The following SLC35D2 variants were observed in gnomAD, a reference collection of about 807,000 sequenced individuals.
SLC35D2 encodes nucleotide sugar transporter SLC35D2.
In SLC35D2, 43 loss-of-function variants were observed where a neutral mutation model predicts 41.8. That is an observed-to-expected ratio of 1.03 (90% CI 0.81 to 1.33). The LOEUF (loss-of-function observed/expected upper bound fraction) is 1.33. SLC35D2 is among the 40% of genes most tolerant of loss of function. The pLI is 0.00. For missense variants in SLC35D2, 380 were observed against 408.4 expected, an observed-to-expected ratio of 0.93 and a Z score of 0.60; for synonymous variants, 150 against 163.9, an observed-to-expected ratio of 0.92 and a Z score of 0.65.
intron 8 of SLC35D2, among the ~76,000 whole-genome samples, chr9:96,343,205 C>T (rs1386488163): frequency 1.3e-5 from 2 of 152,220 alleles, no homozygotes; most frequent in Admixed American, 6.5e-5. Context: ...TCCTGAGAGA[C>T]TTGGCCTCCA....
At chr9:96,331,283 G>A (rs1828796013) in intron 9 of SLC35D2, among the ~76,000 whole-genome samples, 1 of 152,132 alleles carries the variant, frequency 6.6e-6, no homozygotes, top group Admixed American at 6.5e-5. Context: ...CAAGACAAAT[G>A]CGTGATTGCC....
chr9:96,370,216 C>A (rs529835419), intron 1 of SLC35D2, among the ~76,000 whole-genome samples: 1 of 152,346 alleles, frequency 6.6e-6, no homozygotes, highest in South Asian at 2.1e-4. Context: ...TTTGCTGTGA[C>A]TGCCTCAGAG....
intron 4 of SLC35D2, among the ~76,000 whole-genome samples, chr9:96,356,226 C>A (rs1220033281): frequency 6.6e-6 from 1 of 152,228 alleles, no homozygotes; most frequent in Non-Finnish European, 1.5e-5. Flanking sequence ...CAGATGCTGG[C>A]GCCATGCTTC....
chr9:96,344,732 G>A (rs913444597), intron 7 of SLC35D2, among the ~76,000 whole-genome samples: 5 of 150,120 alleles, frequency 3.3e-5, no homozygotes, highest in Admixed American at 1.3e-4. Context: ...GAGGGATGGG[G>A]GAGGGGGAGG....
chr9:96,359,137 T>C (rs1041827950), intron 4 of SLC35D2, among the ~76,000 whole-genome samples: 1 of 151,710 alleles, frequency 6.6e-6, no homozygotes, highest in African/African-American at 2.4e-5. Flanking sequence ...ACCCCGTCCC[T>C]ACTAAAAATA....
downstream of SLC35D2, among the ~76,000 whole-genome samples, chr9:96,319,996 G>A (rs1243663380): frequency 6.6e-6 from 1 of 152,228 alleles, no homozygotes; most frequent in Non-Finnish European, 1.5e-5. Flanking sequence ...AGATTAGTTA[G>A]TCTGGCTCCT....
intron 9 of SLC35D2, among the ~76,000 whole-genome samples, chr9:96,336,178 A>C (rs1447761495): frequency 6.6e-6 from 1 of 152,186 alleles, no homozygotes; most frequent in African/African-American, 2.4e-5. Context: ...CTATAGGAAA[A>C]GGCTGTCATA....
In SLC35D2 at chr9:96,321,352, A is replaced by G. The variant is rs542816078; in HGVS notation, c.915-11T>C. 1.3e-6 allele frequency: 2 copies of G among 1,593,850 alleles called. No homozygotes were observed. The highest frequency in any genetic ancestry group is 2.7e-5 in the African/African-American group (2 of 74,336). Reference sequence around the variant, plus strand: ...AAGCCCCCTGCCATGCTGAAAGGAGAAAAAAAAGTGAAAATAAATGACTGG... The same window carrying G: ...AAGCCCCCTGCCATGCTGAAAGGAGGAAAAAAAGTGAAAATAAATGACTGG... On this transcript the variant is annotated splice_polypyrimidine_tract_variant and intron_variant, in intron 11 of 11. Transcript: ENST00000253270.
At chr9:96,322,207 A>G (rs979304927) in intron 10 of SLC35D2, 127 bp from the exon 11 acceptor site, 9 of 624,068 alleles carry the variant, frequency 1.4e-5, no homozygotes, top group Non-Finnish European at 2.0e-5. Flanking sequence ...GGATATTCAC[A>G]GGTGGTTGAA....
chr9:96,369,009 C>T (rs1297066925), intron 1 of SLC35D2, among the ~76,000 whole-genome samples: 1 of 152,112 alleles, frequency 6.6e-6, no homozygotes, highest in Non-Finnish European at 1.5e-5. Flanking sequence ...AAATGATCTG[C>T]CCGCCTTGGC....
chr9:96,315,129 T>G (rs1358877524), intron 11 of SLC35D2, among the ~76,000 whole-genome samples: 1 of 152,118 alleles, frequency 6.6e-6, no homozygotes, highest in African/African-American at 2.4e-5. Context: ...TTCATAGACT[T>G]TTTCTTTAAA....
In SLC35D2 at chr9:96,380,009, G is replaced by A. The variant is rs1024744301; in HGVS notation, c.158+3468C>T. Among the ~76,000 whole-genome samples the A allele has an allele frequency of 4.0e-5, 6 of 150,352 alleles. No individual in the cohort carries two copies. The Admixed American group carries it at 4.0e-4, about 10-fold the overall frequency. On this transcript the variant is annotated intron_variant, in intron 1 of 11. Transcript: ENST00000253270. ...GCCTCCCAGGTTCAAGTGATTCTCT[G>A]CCCCAGCCTCCTGAGTAGCTGGTAT...
intron 6 of SLC35D2, among the ~76,000 whole-genome samples, chr9:96,346,830 TAAAA>T (rs71498993): frequency 1.5e-5 from 2 of 136,022 alleles, no homozygotes; most frequent in Non-Finnish European, 3.2e-5. Flanking sequence ...AGTCACAATT[TAAAA>T]AAAAAAAAAA....
chr9:96,337,022 G>A (rs779071203), intron 8 of SLC35D2, among the ~76,000 whole-genome samples: 1 of 152,130 alleles, frequency 6.6e-6, no homozygotes, highest in Non-Finnish European at 1.5e-5. Flanking sequence ...TCCTCAAAAC[G>A]TTGATATAAG....
chr9:96,360,304 C>T, intron 3 of SLC35D2, 83 bp from the exon 4 acceptor site: 1 of 1,057,728 alleles, frequency 9.5e-7, no homozygotes, highest in Non-Finnish European at 1.4e-6. Context: ...GTGACAGATA[C>T]TTCACCAGAG....
At position 96,352,035 on chromosome 9, in the gene SLC35D2, C is replaced by T; in HGVS notation, c.419+3G>A. 6.2e-7 allele frequency: 1 copy of T among 1,605,884 alleles called. No homozygotes were observed. Among genetic ancestry groups the T allele is most frequent in the Non-Finnish European group, 8.5e-7 (1 of 1,173,614 alleles). ...TGGAAGAATGGAGGAAAAACAAAATCACCCAAGTATGATGGTTTCCAGAAG... is the reference window on the plus strand; with the variant it reads ...TGGAAGAATGGAGGAAAAACAAAATTACCCAAGTATGATGGTTTCCAGAAG... On this transcript the variant is annotated splice_donor_region_variant and intron_variant, in intron 5 of 11. Transcript: ENST00000253270.
Position 96,350,347 on chromosome 9 carries a change from CTTTTTTTT to C in SLC35D2, c.488+748_488+755del, listed in dbSNP as rs57531044. Among the ~76,000 whole-genome samples, 3 of 90,992 alleles carry C rather than the reference CTTTTTTTT, an allele frequency of 3.3e-5. 1 individual carries two copies. Among genetic ancestry groups the C allele is most frequent in the African/African-American group, 1.5e-4 (3 of 20,022 alleles). The allele number at this position is 90,992 out of a possible 152,430, so 59.7% of individuals were successfully genotyped here. On this transcript the variant is annotated intron_variant, in intron 6 of 11. Coordinates refer to ENST00000253270, the MANE Select transcript of SLC35D2 (RefSeq NM_007001.3). ...CACGACGCCAGGCTAATTTTCTTTC[CTTTTTTTT>C]TTTTTTTTTTTTTTTTTTTGTAGAA... is the stretch of plus-strand genomic sequence containing the variant.
chr9:96,330,709 C>A (rs1218483564), intron 9 of SLC35D2, among the ~76,000 whole-genome samples: 1 of 152,114 alleles, frequency 6.6e-6, no homozygotes, highest in Non-Finnish European at 1.5e-5. Flanking sequence ...ACTCACAATG[C>A]CAAAGGGAGA....
intron 4 of SLC35D2, among the ~76,000 whole-genome samples, chr9:96,358,105 T>TATATATACAC (rs546410635): frequency 2.8e-5 from 4 of 143,540 alleles, no homozygotes; most frequent in South Asian, 4.3e-4. Context: ...TATATATATA[T>TATATATACAC]ATACCTGCAA....
Sources: gnomAD v4.1 joint callset for allele counts (sites outside exome capture counted in the v4.1 genomes callset) on GRCh38, gnomAD v4.1.1 for gene constraint, MANE v1.5 for transcripts, NCBI Gene and HGNC (gene_info 2026-07-23, HGNC 2026-07-21) for gene names.